The following SLC1A3 variants were observed in gnomAD, a reference collection of about 807,000 sequenced individuals.
SLC1A3 encodes excitatory amino acid transporter 1.
Under a neutral mutation model 48.1 loss-of-function variants are expected in SLC1A3, and 21 were observed. That is an observed-to-expected ratio of 0.44 (90% CI 0.31 to 0.63). The LOEUF (loss-of-function observed/expected upper bound fraction) is 0.63, where lower values mean the gene tolerates loss of function less well. Among genes scored for constraint, SLC1A3 ranks in the 20% least tolerant of loss-of-function variants. The pLI is 0.08. For synonymous variants in SLC1A3, 239 were observed against 251.4 expected (o/e 0.95, Z 0.47); for missense variants, 546 against 689.0 (o/e 0.79, Z 2.32).
intron 3 of SLC1A3, among the ~76,000 whole-genome samples, chr5:36,637,963 T>C (rs1359268758): frequency 6.6e-6 from 1 of 152,024 alleles, no homozygotes; most frequent in Admixed American, 6.6e-5. Flanking sequence ...GATTCTATTG[T>C]GCACCCATGG....
intron 3 of SLC1A3, among the ~76,000 whole-genome samples, chr5:36,655,786 G>A (rs562034029): frequency 3.2e-4 from 49 of 152,248 alleles, no homozygotes; most frequent in Non-Finnish European, 4.9e-4. Flanking sequence ...GGAGGGCCCC[G>A]GCCAGTTTTA....
rs372787447 is a variant in SLC1A3, at chr5:36,613,891, A to T, written c.181+5287A>T. 6.6e-5 allele frequency among the ~76,000 whole-genome samples: 10 copies of T among 152,302 alleles called. No individual in the cohort carries two copies. In the South Asian group the frequency reaches 8.3e-4, roughly 13 times the overall value. On this transcript the variant is annotated intron_variant, in intron 2 of 9. Transcript: ENST00000265113. The stretch of plus-strand genomic sequence containing the variant: ...TGCTTTATCTTCTCCCCTGGGGGAA[A>T]AAAAATACAGAAAAATTGTCAGGGC...
intron 6 of SLC1A3, 83 bp from the exon 7 acceptor site, chr5:36,679,544 C>T (rs1052748010): frequency 1.1e-5 from 11 of 988,938 alleles, no homozygotes; most frequent in Non-Finnish European, 1.8e-5. Context: ...CTCTCTTTTC[C>T]CTTTTTCTTA....
chr5:36,622,270 C>A (rs1739706936), intron 2 of SLC1A3, among the ~76,000 whole-genome samples: 1 of 152,196 alleles, frequency 6.6e-6, no homozygotes, highest in African/African-American at 2.4e-5. Context: ...ATCATTGTCT[C>A]TATTGCTTTG....
chr5:36,663,157 A>G (rs1460383821), intron 3 of SLC1A3, among the ~76,000 whole-genome samples: 1 of 152,096 alleles, frequency 6.6e-6, no homozygotes, highest in African/African-American at 2.4e-5. Context: ...CTACTTAACA[A>G]TCTTTCAAAA....
intron 3 of SLC1A3, among the ~76,000 whole-genome samples, chr5:36,644,057 A>T (rs548517971): frequency 3.1e-4 from 47 of 151,360 alleles, no homozygotes; most frequent in African/African-American, 1.0e-3. Context: ...AAATAAATAA[A>T]TTGCAATGTG....
At chr5:36,608,263 T>G (rs1477782450) in intron 1 of SLC1A3, 66 bp from the exon 2 acceptor site, 3 of 635,146 alleles carry the variant, frequency 4.7e-6, no homozygotes, top group East Asian at 5.5e-5. Context: ...GCTTGCCTGG[T>G]GTGGAGCAGC....
intron 2 of SLC1A3, among the ~76,000 whole-genome samples, chr5:36,614,347 T>TG (rs1184103217): frequency 6.6e-6 from 1 of 152,120 alleles, no homozygotes; most frequent in East Asian, 1.9e-4. Flanking sequence ...TTGGGGAGGC[T>TG]GGGGGGCAGA....
In SLC1A3 at chr5:36,686,061, G is replaced by C; in HGVS notation, c.1425-4G>C. The C allele has an allele frequency of 6.2e-7, 1 of 1,613,854 alleles. No homozygotes were observed. The highest frequency in any genetic ancestry group is 8.5e-7 in the Non-Finnish European group (1 of 1,179,804). On this transcript the variant is annotated splice_region_variant and splice_polypyrimidine_tract_variant and intron_variant, in intron 9 of 9. Transcript: ENST00000265113. ...TTTTTCCCTCCTCCCCACCCTGCCT[G>C]CAGGGATCGCCTCCGGACCACCACC...
intron 2 of SLC1A3, among the ~76,000 whole-genome samples, chr5:36,622,209 G>T (rs918094477): frequency 1.3e-5 from 2 of 152,150 alleles, no homozygotes; most frequent in African/African-American, 4.8e-5. Context: ...TCTTGGTCAG[G>T]CACTTAGTTT....
At chr5:36,668,138 G>A (rs1453156353) in intron 3 of SLC1A3, 2 of 152,326 alleles carry the variant, frequency 1.3e-5, no homozygotes, top group Admixed American at 1.3e-4. Flanking sequence ...TCCTGCCAAA[G>A]TGCCCCATTC....
intron 5 of SLC1A3, among the ~76,000 whole-genome samples, chr5:36,674,650 T>C (rs1230812506): frequency 6.6e-6 from 1 of 152,206 alleles, no homozygotes; most frequent in African/African-American, 2.4e-5. Context: ...ATAAATATCA[T>C]TGTCTTCATT....
At position 36,687,849 on chromosome 5, in the gene SLC1A3, A is replaced by G. The variant is rs540173732; in HGVS notation, c.*1580A>G. 6.5e-6 allele frequency: 1 copy of G among 152,798 alleles called. No homozygotes were observed. Among genetic ancestry groups the G allele is most frequent in the South Asian group, 2.1e-4 (1 of 4,830 alleles). 9.5% of individuals were successfully genotyped at this position (152,798 alleles called of 1,614,324 possible). On this transcript the variant is annotated 3_prime_UTR_variant, in exon 10 of 10. Transcript: ENST00000265113. ...AATTTTTACCCCCTAAGGAATATCC[A>G]GTCAAAGACGCTGAGTGGGAGCTGT...
upstream of SLC1A3, among the ~76,000 whole-genome samples, chr5:36,603,237 T>C (rs1380287294): frequency 6.6e-6 from 1 of 152,230 alleles, no homozygotes; most frequent in Non-Finnish European, 1.5e-5. Context: ...GGCAGGCACC[T>C]GCTAGAAACA....
intron 1 of SLC1A3, among the ~76,000 whole-genome samples, chr5:36,599,378 T>A (rs1340834625): frequency 6.6e-6 from 1 of 152,166 alleles, no homozygotes; most frequent in Non-Finnish European, 1.5e-5. Context: ...TCCTGGGGCT[T>A]AGCTAGGTCA....
At chr5:36,645,849 C>T (rs1561262300) in intron 3 of SLC1A3, among the ~76,000 whole-genome samples, 2 of 152,146 alleles carry the variant, frequency 1.3e-5, no homozygotes, top group Admixed American at 6.5e-5. Flanking sequence ...TTTCTTCTAT[C>T]TCATGTCTTG....
upstream of SLC1A3, among the ~76,000 whole-genome samples, chr5:36,605,558 A>G (rs1738899327): frequency 6.6e-6 from 1 of 152,178 alleles, no homozygotes; most frequent in Non-Finnish European, 1.5e-5. Flanking sequence ...TGAATAATAG[A>G]CCAAGAATTG....
At chr5:36,669,802 T>C (rs956185382) in intron 3 of SLC1A3, 1 of 152,150 alleles carries the variant, frequency 6.6e-6, no homozygotes, top group Non-Finnish European at 1.5e-5. Context: ...CTTTACCTTC[T>C]AAATATGCAA....
intron 2 of SLC1A3, among the ~76,000 whole-genome samples, chr5:36,625,644 G>T (rs1739874029): frequency 6.6e-6 from 1 of 152,032 alleles, no homozygotes; most frequent in Non-Finnish European, 1.5e-5. Context: ...ACCAACCAAA[G>T]CATAGTCAGG....
Sources: gnomAD v4.1 joint callset for allele counts (sites outside exome capture counted in the v4.1 genomes callset) on GRCh38, gnomAD v4.1.1 for gene constraint, MANE v1.5 for transcripts, NCBI Gene and HGNC (gene_info 2026-07-23, HGNC 2026-07-21) for gene names.